DNAH6: variants seen among roughly 807,000 people sequenced by gnomAD.
DNAH6 encodes the protein axonemal beta dynein heavy chain 6.
In DNAH6, 340 loss-of-function variants were observed where a neutral mutation model predicts 491.4. The observed-to-expected ratio is 0.69, with a 90% CI of 0.63 to 0.76. The LOEUF (loss-of-function observed/expected upper bound fraction) is 0.76, where lower values mean the gene tolerates loss of function less well. Ranked by LOEUF, DNAH6 falls within the 30% of genes least tolerant of loss-of-function variation. The pLI is 0.00. For synonymous variants in DNAH6, 1,603 were observed against 1,686.1 expected (o/e 0.95, Z 1.21); for missense variants, 4,443 against 4,972.2 (o/e 0.89, Z 3.20).
At chr2:84,594,819 G>A (rs1684422794) in intron 17 of DNAH6, among the ~76,000 whole-genome samples, 1 of 152,174 alleles carries the variant, frequency 6.6e-6, no homozygotes, top group Non-Finnish European at 1.5e-5. Context: ...AATGTTCTAG[G>A]TGCTGGGAGT....
rs527456177 is a variant in DNAH6 at position 84,517,740 on chromosome 2, A to G, written c.-8-79A>G. ...GCGAATTCAACTCTTCCTAGTCCTT[A>G]AGTCCCTCTCCAGTAGCCTCCTTCC... is the stretch of plus-strand genomic sequence containing the variant. On this transcript the variant is annotated intron_variant, in intron 1 of 76. Transcript: ENST00000389394. 9.3e-4 allele frequency: 1,010 copies of G among 1,085,072 alleles called. 17 individuals carry two copies. In the South Asian group the frequency reaches 0.016, roughly 17 times the overall value. 67.2% of individuals were successfully genotyped at this position (1,085,072 alleles called of 1,614,324 possible).
rs1435712144 is a variant in DNAH6 at position 84,607,092 on chromosome 2, A to G, written c.3291A>G (p.Thr1097=). ...AACAACTTGCTTTATTTAATCAAAC[A>G]CTGGTGAGTAAGAATAATTTTGATT... is the stretch of plus-strand genomic sequence containing the variant. The part of the protein sequence containing the change: ...WQKQLALFNQ[T]LEEWLTCQRN... Residue 1097 remains threonine (T), a synonymous_variant, in exon 21 of 77, where the codon ACA becomes ACG. Transcript: ENST00000389394. The G allele has an allele frequency of 1.3e-6, 2 of 1,551,056 alleles. No individual in the cohort carries two copies. The highest frequency in any genetic ancestry group is 1.2e-5 in the South Asian group (1 of 84,006).
rs1211997146 is a variant in DNAH6, at chr2:84,537,680, CT to C, written c.663-6548del. Among the ~76,000 whole-genome samples the C allele has an allele frequency of 9.9e-5, 15 of 152,046 alleles. No homozygotes were observed. In the East Asian group the frequency reaches 2.5e-3, roughly 25 times the overall value. On this transcript the variant is annotated intron_variant, in intron 4 of 76. Transcript: ENST00000389394. Reference sequence around the variant, plus strand: ...CTGGTGAGGCAATTTTTAAGTATTCCTTTTTCAGGTTGGTATAAAAGGACCC... The same window carrying C: ...CTGGTGAGGCAATTTTTAAGTATTCCTTTTCAGGTTGGTATAAAAGGACCC...
chr2:84,767,872 TG>T (rs1298748298), intron 64 of DNAH6, among the ~76,000 whole-genome samples: 4 of 151,730 alleles, frequency 2.6e-5, no homozygotes, highest in African/African-American at 9.7e-5. Flanking sequence ...CAGTGAATTG[TG>T]GGGGGAAAAA....
chr2:84,688,604 A>G lies in DNAH6; in HGVS notation c.7292+11A>G, dbSNP rs1221604729. ...AGAACATGTTTCAAGGTATAGTGCTATAAGGCGCCCAATAATGCATTGATT... is the reference window on the plus strand; with the variant it reads ...AGAACATGTTTCAAGGTATAGTGCTGTAAGGCGCCCAATAATGCATTGATT... On this transcript the variant is annotated intron_variant, in intron 45 of 76. Transcript: ENST00000389394. 3.3e-6 allele frequency: 5 copies of G among 1,516,076 alleles called. No individual in the cohort carries two copies. The highest frequency in any genetic ancestry group is 2.5e-5 in the East Asian group (1 of 39,664). 93.9% of individuals were successfully genotyped at this position (1,516,076 alleles called of 1,614,324 possible).
chr2:84,640,508 G>A lies in DNAH6; in HGVS notation c.4900G>A (p.Glu1634Lys). 5 of 1,551,198 alleles carry A rather than the reference G, an allele frequency of 3.2e-6. No homozygotes were observed. Among genetic ancestry groups the A allele is most frequent in the Non-Finnish European group, 4.4e-6 (5 of 1,146,660 alleles). The change falls in exon 32 of 77, where the codon GAG becomes AAG. Residue 1634 changes from glutamate (E) to lysine (K), a missense_variant. Glu to Lys is a moderately conservative substitution (Grantham distance 56, BLOSUM62 1). Around this residue, in one of 3 missense-constraint regions of DNAH6, gnomAD observed 2,977 missense variants for 3,296.6 expected, o/e 0.90. Coordinates refer to ENST00000389394, the MANE Select transcript of DNAH6 (RefSeq NM_001370.2). ...GACTCAGATGTATAAGCTTTGCAGT[G>A]AGCAGCTGTCTCAGCAGGATCACTA... is the stretch of plus-strand genomic sequence containing the variant. ...KMTQMYKLCS[E>K]QLSQQDHYDF...
chr2:84,659,757 G>A (rs1407786172), intron 37 of DNAH6, among the ~76,000 whole-genome samples: 2 of 152,140 alleles, frequency 1.3e-5, no homozygotes, highest in Admixed American at 6.5e-5. Flanking sequence ...CTAGGCAAGA[G>A]GGTCACTTGA....
At chr2:84,776,151 C>G (rs1573774869) in intron 64 of DNAH6, among the ~76,000 whole-genome samples, 1 of 152,120 alleles carries the variant, frequency 6.6e-6, no homozygotes, top group African/African-American at 2.4e-5. Context: ...ACATACGATA[C>G]TGGATTTATA....
chr2:84,780,787 T>TTG lies in DNAH6; in HGVS notation c.10704-705_10704-704insGT, dbSNP rs1553496895. On this transcript the variant is annotated intron_variant, in intron 64 of 76. Transcript: ENST00000389394. Reference sequence around the variant, plus strand: ...CTGTCATTTCGTTGAGGCTTTTTTTTTTGTATTCCTGTTTTCCTTTGAGGG... The same window carrying TTG: ...CTGTCATTTCGTTGAGGCTTTTTTTTTGTTGTATTCCTGTTTTCCTTTGAGGG... Among the ~76,000 whole-genome samples, 44 of 152,070 alleles carry TTG rather than the reference T, an allele frequency of 2.9e-4. No individual in the cohort carries two copies. The East Asian group carries it at 8.1e-3, about 28-fold the overall frequency.
chr2:84,722,395 G>A (rs1261929171), intron 59 of DNAH6, among the ~76,000 whole-genome samples: 2 of 152,186 alleles, frequency 1.3e-5, no homozygotes, highest in African/African-American at 4.8e-5. Flanking sequence ...AAAGCTACTT[G>A]TATTGCCTGC....
chr2:84,659,170 G>T lies in DNAH6; in HGVS notation c.6084+1G>T. The stretch of plus-strand genomic sequence containing the variant: ...ATTTGATGATAATCCTGATGCCAGG[G>T]TAAGAACCAAATAAATTATATTTTA... On this transcript the variant is annotated splice_donor_variant, in intron 37 of 76. Coordinates refer to ENST00000389394, the MANE Select transcript of DNAH6 (RefSeq NM_001370.2). LOFTEE classifies it high-confidence loss of function. 1 of 1,381,042 alleles carries T rather than the reference G, an allele frequency of 7.2e-7. No homozygotes were observed. Among genetic ancestry groups the T allele is most frequent in the Non-Finnish European group, 9.7e-7 (1 of 1,031,228 alleles). 85.5% of individuals were successfully genotyped at this position (1,381,042 alleles called of 1,614,324 possible). A position where few individuals can be genotyped will look rare whatever the true frequency, so the allele number is the denominator to read the frequency against.
chr2:84,676,022 T>G (rs1371938348), intron 40 of DNAH6, among the ~76,000 whole-genome samples: 1 of 152,250 alleles, frequency 6.6e-6, no homozygotes, highest in Non-Finnish European at 1.5e-5. Flanking sequence ...TTCTCTCCAT[T>G]AGACCCACAG....
intron 63 of DNAH6, among the ~76,000 whole-genome samples, chr2:84,759,118 A>G (rs1242461910): frequency 1.3e-5 from 2 of 152,168 alleles, no homozygotes; most frequent in East Asian, 3.8e-4. Context: ...ATACAAAATC[A>G]ACATACGAAA....
chr2:84,668,677 T>C (rs2104653169), intron 37 of DNAH6, among the ~76,000 whole-genome samples: 1 of 152,236 alleles, frequency 6.6e-6, no homozygotes, highest in East Asian at 1.9e-4. Context: ...TCCCACCCCA[T>C]GCCATCCCTT....
chr2:84,489,055 T>A, the DNAH6 span, among the ~76,000 whole-genome samples: 1 of 152,186 alleles, frequency 6.6e-6, no homozygotes, highest in African/African-American at 2.4e-5. Flanking sequence ...AGGTCTGAAA[T>A]CATTCAGGGA....
intron 29 of DNAH6, among the ~76,000 whole-genome samples, chr2:84,633,295 T>A (rs1345236269): frequency 6.6e-6 from 1 of 152,186 alleles, no homozygotes; most frequent in Non-Finnish European, 1.5e-5. Flanking sequence ...CGTCTCCCAG[T>A]ATCTCCTAAT....
chr2:84,805,767 G>T lies in DNAH6; in HGVS notation c.11584G>T (p.Val3862Phe). Residue 3862 changes from valine (V) to phenylalanine (F), a missense_variant, in exon 71 of 77, where the codon GTT (valine) becomes TTT (phenylalanine). Transcript: ENST00000389394. Reference protein sequence around the residue: ...KSNDEIVQELVASVQTRVPEK... With the variant: ...KSNDEIVQELFASVQTRVPEK... Reference sequence around the variant, plus strand: ...CAATGACGAAATTGTTCAAGAACTTGTTGCTTCTGTCCAGACCAGAGTTCC... The same window carrying T: ...CAATGACGAAATTGTTCAAGAACTTTTTGCTTCTGTCCAGACCAGAGTTCC... 1.9e-6 allele frequency: 3 copies of T among 1,551,530 alleles called. No individual in the cohort carries two copies. The highest frequency in any genetic ancestry group is 1.7e-6 in the Non-Finnish European group (2 of 1,146,880).
chr2:84,574,124 A>T (rs1682184788), intron 12 of DNAH6, among the ~76,000 whole-genome samples: 1 of 152,170 alleles, frequency 6.6e-6, no homozygotes, highest in Non-Finnish European at 1.5e-5. Context: ...GTTCTCAGAA[A>T]ATTATAAAAA....
chr2:84,659,555 T>C (rs1691289310), intron 37 of DNAH6, among the ~76,000 whole-genome samples: 2 of 152,196 alleles, frequency 1.3e-5, no homozygotes, highest in South Asian at 2.1e-4. Flanking sequence ...ATAATGGCAA[T>C]GAATTTCTCA....
Sources: gnomAD v4.1 joint callset for allele counts (sites outside exome capture counted in the v4.1 genomes callset) on GRCh38, gnomAD v4.1.1 for gene constraint, gnomAD v4.1.1 regional missense constraint, MANE v1.5 for transcripts, NCBI Gene and HGNC (gene_info 2026-07-23, HGNC 2026-07-21) for gene names.